Variants in DNAAF5 observed in about 807,000 individuals in gnomAD.
DNAAF5 encodes the protein dynein axonemal assembly factor 5.
In DNAAF5, 64 loss-of-function variants were observed where a neutral mutation model predicts 75.8. The ratio of observed to expected loss-of-function variants is 0.84; its 90% CI spans 0.69 to 1.04. The LOEUF is 1.04. Ranked by LOEUF, DNAAF5 falls within the 50% of genes least tolerant of loss-of-function variation. The probability of loss-of-function intolerance (pLI) is 0.00; values close to 1 mark genes in which losing one functional copy is unlikely to be tolerated. For synonymous variants in DNAAF5, 657 were observed against 557.2 expected (o/e 1.18, Z -2.52); for missense variants, 1,269 against 1,178.5 (o/e 1.08, Z -1.12).
At chr7:776,284 C>G (rs1398354769) in intron 11 of DNAAF5, among the ~76,000 whole-genome samples, 1 of 151,694 alleles carries the variant, frequency 6.6e-6, no homozygotes, top group Non-Finnish European at 1.5e-5. Context: ...TGCAGTGAGC[C>G]AAGATCGCAC....
At chr7:784,958 C>T (rs888166672) in intron 12 of DNAAF5, among the ~76,000 whole-genome samples, 1 of 151,598 alleles carries the variant, frequency 6.6e-6, no homozygotes. Flanking sequence ...CACATAGTGA[C>T]CATGCAGCAT....
chr7:775,182 C>T lies in DNAAF5; in HGVS notation c.2239+20C>T. The T allele has an allele frequency of 6.2e-7, 1 of 1,612,782 alleles. No homozygotes were observed. The highest frequency in any genetic ancestry group is 8.5e-7 in the Non-Finnish European group (1 of 1,178,954). ...ATCCTGGTAGGACATTTCTGTTGTT[C>T]ACAGCCTGTGTATATGCAGTCAGCC... On this transcript the variant is annotated intron_variant, in intron 11 of 12. Coordinates refer to ENST00000297440, the MANE Select transcript of DNAAF5 (RefSeq NM_017802.4).
At chr7:765,310 C>T (rs1011802015) in intron 8 of DNAAF5, among the ~76,000 whole-genome samples, 3 of 152,168 alleles carry the variant, frequency 2.0e-5, no homozygotes, top group Non-Finnish European at 2.9e-5. Context: ...CCCGAGGCAG[C>T]GACTCCAGAG....
At position 785,619 on chromosome 7, in the gene DNAAF5, T is replaced by C. The variant is rs1322677364; in HGVS notation, c.2534T>C (p.Leu845Pro). 3 of 1,613,092 alleles carry C rather than the reference T, an allele frequency of 1.9e-6. No individual in the cohort carries two copies. The South Asian group carries it at 3.3e-5, about 18-fold the overall frequency. Residue 845 changes from leucine (L) to proline (P), a missense_variant, in exon 13 of 13, where the codon CTG becomes CCG. Physicochemically the swap from Leu to Pro is moderately conservative, Grantham distance 98 (BLOSUM62 -3). Transcript: ENST00000297440. Reference sequence around the variant, plus strand: ...TCGGCCACCTACTGCGAGCAGCTCCTGCAGCATGTGCAGGCCGTGCCAGCC... The same window carrying C: ...TCGGCCACCTACTGCGAGCAGCTCCCGCAGCATGTGCAGGCCGTGCCAGCC... ...HRSATYCEQLLQHVQAVPATQ is the reference protein window; with the variant it reads ...HRSATYCEQLPQHVQAVPATQ
Position 774,196 on chromosome 7 carries a change from C to T in DNAAF5, c.2080C>T (p.Gln694Ter). The T allele has an allele frequency of 1.9e-6, 3 of 1,605,114 alleles. No homozygotes were observed. The highest frequency in any genetic ancestry group is 1.7e-6 in the Non-Finnish European group (2 of 1,178,444). The change falls in exon 10 of 13, where the codon CAG becomes TAG. Residue 694 changes from glutamine (Q) to a stop codon, truncating the protein, a stop_gained and splice_region_variant. Transcript: ENST00000297440. LOFTEE classifies it high-confidence loss of function. ...LTSSEVLSAE[Q>*]IRDVQETLMP... Reference sequence around the variant, plus strand: ...CAGCAGCGAGGTCCTGTCGGCAGAGCAGGTACGGGGCTCCCTGCGTGCTCG... The same window carrying T: ...CAGCAGCGAGGTCCTGTCGGCAGAGTAGGTACGGGGCTCCCTGCGTGCTCG...
intron 9 of DNAAF5, chr7:772,096 G>C (rs938730907): frequency 6.6e-6 from 1 of 152,318 alleles, no homozygotes; most frequent in African/African-American, 2.4e-5. Context: ...AGCTGTGAGC[G>C]CCGGCTGTAC....
chr7:785,613 A>G lies in DNAAF5; in HGVS notation c.2528A>G (p.Gln843Arg). ...HKHRSATYCE[Q>R]LLQHVQAVPA... Reference sequence around the variant, plus strand: ...CACCGCTCGGCCACCTACTGCGAGCAGCTCCTGCAGCATGTGCAGGCCGTG... The same window carrying G: ...CACCGCTCGGCCACCTACTGCGAGCGGCTCCTGCAGCATGTGCAGGCCGTG... The change falls in exon 13 of 13, where the codon CAG (glutamine) becomes CGG (arginine). Residue 843 changes from glutamine to arginine, a missense_variant. Gln to Arg is a conservative substitution (Grantham distance 43). Transcript: ENST00000297440. 2 of 1,613,136 alleles carry G rather than the reference A, an allele frequency of 1.2e-6. No homozygotes were observed. The highest frequency in any genetic ancestry group is 1.1e-5 in the South Asian group (1 of 91,086).
In DNAAF5 at chr7:729,800, G is replaced by A. The variant is rs760523022; in HGVS notation, c.733G>A (p.Asp245Asn). The A allele has an allele frequency of 5.6e-6, 9 of 1,614,238 alleles. No homozygotes were observed. The highest frequency in any genetic ancestry group is 1.7e-5 in the Admixed American group (1 of 60,020). The change falls in exon 2 of 13, where the codon GAC becomes AAC. Residue 245 changes from aspartate (D) to asparagine (N), a missense_variant. Asp to Asn is a conservative substitution (Grantham distance 23). Transcript: ENST00000297440. ...IHFGNGKSVD[D>N]VLSHFAQRLF... is the part of the protein sequence containing the mutation. Reference sequence around the variant, plus strand: ...TTTTGGCAACGGGAAGTCCGTGGACGACGTGCTTTCCCATTTTGCTCAGCG... The same window carrying A: ...TTTTGGCAACGGGAAGTCCGTGGACAACGTGCTTTCCCATTTTGCTCAGCG...
intron 2 of DNAAF5, chr7:732,718 A>G: frequency 2.3e-6 from 1 of 438,180 alleles, no homozygotes; most frequent in South Asian, 1.6e-5. Context: ...TGAGCTCCTT[A>G]TGGATTCTGG....
intron 2 of DNAAF5, among the ~76,000 whole-genome samples, chr7:737,242 C>A (rs996307829): frequency 2.6e-5 from 4 of 152,064 alleles, no homozygotes; most frequent in African/African-American, 9.7e-5. Flanking sequence ...ACTACAGGCA[C>A]CCACCACCAC....
chr7:766,202 GGA>G (rs1392893258), intron 8 of DNAAF5, among the ~76,000 whole-genome samples: 1 of 152,196 alleles, frequency 6.6e-6, no homozygotes, highest in Admixed American at 6.5e-5. Context: ...GGTGCTCTTG[GGA>G]GTCGGGGGCA....
chr7:761,662 G>C, intron 6 of DNAAF5, 91 bp from the exon 7 acceptor site: 1 of 1,353,616 alleles, frequency 7.4e-7, no homozygotes, highest in Non-Finnish European at 1.0e-6. Flanking sequence ...AGGATACGTG[G>C]GGATTATGGG....
intron 12 of DNAAF5, 26 bp from the exon 13 acceptor site, chr7:785,491 G>A (rs1779116986): frequency 1.9e-6 from 3 of 1,610,302 alleles, no homozygotes; most frequent in Admixed American, 1.7e-5. Flanking sequence ...TTTCTGGCAT[G>A]TTCAAGGTGT....
intron 10 of DNAAF5, 142 bp downstream of exon 10, chr7:774,340 C>T (rs1778682164): frequency 1.1e-6 from 1 of 909,462 alleles, no homozygotes; most frequent in Non-Finnish European, 1.6e-6. Context: ...GAGGCTCTCC[C>T]CACACTGGCG....
rs1454915732 is a variant in DNAAF5, at chr7:743,795, C to A, written c.1024+2330C>A. On this transcript the variant is annotated intron_variant, in intron 4 of 12. Coordinates refer to ENST00000297440, the MANE Select transcript of DNAAF5 (RefSeq NM_017802.4). Reference sequence around the variant, plus strand: ...AAGTAGCTGGGATTACAGGCACTCACCACCACGCCCAGCTAATTTTGTATT... The same window carrying A: ...AAGTAGCTGGGATTACAGGCACTCAACACCACGCCCAGCTAATTTTGTATT... 5.3e-5 allele frequency among the ~76,000 whole-genome samples: 8 copies of A among 151,858 alleles called. No individual in the cohort carries two copies. The East Asian group carries it at 1.5e-3, about 29-fold the overall frequency.
In DNAAF5 at chr7:777,346, G is replaced by A. The variant is rs1778796448; in HGVS notation, c.2239+2184G>A. Reference sequence around the variant, plus strand: ...CTCGCACCCAGCCCGGGAAGGAAGTGCCGATAATAGAACCACCTCAAAGTT... The same window carrying A: ...CTCGCACCCAGCCCGGGAAGGAAGTACCGATAATAGAACCACCTCAAAGTT... On this transcript the variant is annotated intron_variant, in intron 11 of 12. Coordinates refer to ENST00000297440, the MANE Select transcript of DNAAF5 (RefSeq NM_017802.4). Among the ~76,000 whole-genome samples the A allele has an allele frequency of 2.0e-5, 3 of 152,128 alleles. No individual in the cohort carries two copies. The South Asian group carries it at 6.2e-4, about 31-fold the overall frequency.
intron 2 of DNAAF5, among the ~76,000 whole-genome samples, chr7:731,749 C>T (rs1278476597): frequency 6.6e-6 from 1 of 152,228 alleles, no homozygotes; most frequent in African/African-American, 2.4e-5. Flanking sequence ...TGGCCCAAGA[C>T]AATTCTTCCA....
At chr7:749,014 A>G (rs575855613) in intron 4 of DNAAF5, among the ~76,000 whole-genome samples, 1 of 152,316 alleles carries the variant, frequency 6.6e-6, no homozygotes, top group East Asian at 1.9e-4. Flanking sequence ...GGTACACACC[A>G]TGTGGAAATA....
At chr7:783,412 A>G (rs939543857) in intron 12 of DNAAF5, among the ~76,000 whole-genome samples, 2 of 152,160 alleles carry the variant, frequency 1.3e-5, no homozygotes, top group Non-Finnish European at 1.5e-5. Flanking sequence ...AGTGACGGGC[A>G]GGCCGGGCAT....
Sources: allele counts gnomAD v4.1 joint callset (sites outside exome capture counted in the v4.1 genomes callset), GRCh38; gene constraint gnomAD v4.1.1; transcripts MANE v1.5; gene names NCBI Gene and HGNC (gene_info 2026-07-23, HGNC 2026-07-21).